The following MACROD2 variants were observed in gnomAD, a reference collection of about 807,000 sequenced individuals.
MACROD2 encodes the protein ADP-ribose glycohydrolase MACROD2.
Under a neutral mutation model 70.4 loss-of-function variants are expected in MACROD2, and 36 were observed. That is an observed-to-expected ratio of 0.51 (90% CI 0.39 to 0.68). The LOEUF (loss-of-function observed/expected upper bound fraction) is 0.68, where lower values mean the gene tolerates loss of function less well. MACROD2 is among the 30% of genes least tolerant of loss of function. The pLI is 0.00. For missense variants in MACROD2, 496 were observed against 538.4 expected, an observed-to-expected ratio of 0.92 and a Z score of 0.78; for synonymous variants, 172 against 178.8, an observed-to-expected ratio of 0.96 and a Z score of 0.30.
intron 7 of MACROD2, among the ~76,000 whole-genome samples, chr20:15,469,424 G>A (rs758113470): frequency 7.9e-5 from 12 of 152,320 alleles, no homozygotes; most frequent in Non-Finnish European, 1.6e-4. Flanking sequence ...ATGTTGGGGA[G>A]TTGTGAAATA....
chr20:14,975,975 T>C (rs954393512), intron 5 of MACROD2, among the ~76,000 whole-genome samples: 2 of 152,124 alleles, frequency 1.3e-5, no homozygotes, highest in Non-Finnish European at 2.9e-5. Context: ...CTCAGGAAGG[T>C]AGGCGTTAAC....
At chr20:15,652,775 G>T (rs2049665375) in intron 8 of MACROD2, among the ~76,000 whole-genome samples, 1 of 150,430 alleles carries the variant, frequency 6.6e-6, no homozygotes, top group Non-Finnish European at 1.5e-5. Context: ...CTCCCTTTCT[G>T]CCCTAGTTTT....
intron 6 of MACROD2, among the ~76,000 whole-genome samples, chr20:15,336,579 G>A (rs2078051217): frequency 6.6e-6 from 1 of 151,362 alleles, no homozygotes; most frequent in South Asian, 2.1e-4. Flanking sequence ...TTTTCAATGT[G>A]TTTATGTATT....
chr20:15,248,579 C>T (rs555853864), intron 6 of MACROD2, among the ~76,000 whole-genome samples: 2 of 152,144 alleles, frequency 1.3e-5, no homozygotes, highest in African/African-American at 2.4e-5. Context: ...AATCATGGCT[C>T]GGCTAAGACC....
intron 10 of MACROD2, among the ~76,000 whole-genome samples, chr20:15,894,324 A>T (rs964492806): frequency 1.3e-5 from 2 of 152,186 alleles, no homozygotes; most frequent in East Asian, 1.9e-4. Flanking sequence ...TACTAACATG[A>T]TGAGGCCAGA....
At chr20:14,942,694 T>C (rs2074400295) in intron 5 of MACROD2, among the ~76,000 whole-genome samples, 1 of 152,222 alleles carries the variant, frequency 6.6e-6, no homozygotes, top group Non-Finnish European at 1.5e-5. Flanking sequence ...CTGAACATGA[T>C]TTTTAAAAGG....
At chr20:15,808,034 G>GTGTGTGCAT (rs2063785063) in intron 8 of MACROD2, among the ~76,000 whole-genome samples, 1 of 152,080 alleles carries the variant, frequency 6.6e-6, no homozygotes, top group Admixed American at 6.5e-5. Context: ...CTAATTACCG[G>GTGTGTGCAT]TGTGTGCATC....
chr20:14,670,801 C>G (rs2070786280), intron 4 of MACROD2, among the ~76,000 whole-genome samples: 1 of 152,138 alleles, frequency 6.6e-6, no homozygotes, highest in Non-Finnish European at 1.5e-5. Flanking sequence ...TGAGACACCT[C>G]CCAACTGTTC....
At chr20:14,816,900 A>G (rs1206777055) in intron 5 of MACROD2, among the ~76,000 whole-genome samples, 1 of 152,118 alleles carries the variant, frequency 6.6e-6, no homozygotes, top group Non-Finnish European at 1.5e-5. Context: ...CAAAATGTAA[A>G]GTGAAAGATA....
chr20:14,179,714 T>C (rs549017129), intron 3 of MACROD2, among the ~76,000 whole-genome samples: 9 of 152,146 alleles, frequency 5.9e-5, no homozygotes, highest in Non-Finnish European at 1.0e-4. Flanking sequence ...TTACCAAAGA[T>C]ATGATATTTG....
intron 5 of MACROD2, among the ~76,000 whole-genome samples, chr20:14,820,589 C>G (rs995131270): frequency 6.6e-6 from 1 of 151,952 alleles, no homozygotes; most frequent in South Asian, 2.1e-4. Context: ...AACTTAGCTT[C>G]TCATCTAAGT....
chr20:15,459,462 C>T (rs116502018), intron 7 of MACROD2, among the ~76,000 whole-genome samples: 77 of 152,262 alleles, frequency 5.1e-4, no homozygotes, highest in African/African-American at 1.7e-3. Flanking sequence ...TTTTTCCCCC[C>T]ACTATCCTTG....
intron 8 of MACROD2, among the ~76,000 whole-genome samples, chr20:15,530,286 C>G (rs941936536): frequency 1.2e-4 from 18 of 152,058 alleles, no homozygotes; most frequent in African/African-American, 4.3e-4. Context: ...TTAAGTGATC[C>G]CTTTGCAAAT....
intron 8 of MACROD2, among the ~76,000 whole-genome samples, chr20:15,833,233 C>T (rs1398308203): frequency 6.6e-6 from 1 of 152,200 alleles, no homozygotes; most frequent in Non-Finnish European, 1.5e-5. Flanking sequence ...ATAGAACCCT[C>T]AAATGAGAAT....
intron 10 of MACROD2, among the ~76,000 whole-genome samples, chr20:15,924,366 C>T (rs903915003): frequency 6.6e-6 from 1 of 152,216 alleles, no homozygotes; most frequent in African/African-American, 2.4e-5. Flanking sequence ...GACACTTGCA[C>T]TCACACATCT....
intron 5 of MACROD2, among the ~76,000 whole-genome samples, chr20:14,780,562 CAAAAA>C (rs763622429): frequency 8.0e-6 from 1 of 124,300 alleles, no homozygotes. Context: ...AACTCCGTCT[CAAAAA>C]AAAAAAAAAA....
At chr20:15,624,127 A>AT (rs1203481828) in intron 8 of MACROD2, among the ~76,000 whole-genome samples, 2 of 152,196 alleles carry the variant, frequency 1.3e-5, no homozygotes, top group Non-Finnish European at 2.9e-5. Flanking sequence ...AACCACTGGT[A>AT]TAAGTCCAAG....
chr20:15,461,476 A>G (rs1322909346), intron 7 of MACROD2, among the ~76,000 whole-genome samples: 1 of 152,132 alleles, frequency 6.6e-6, no homozygotes, highest in East Asian at 1.9e-4. Context: ...ACTGGTCTGT[A>G]TCATTAATAA....
chr20:15,498,942 A>C (rs1283487323), intron 7 of MACROD2, among the ~76,000 whole-genome samples: 2 of 152,196 alleles, frequency 1.3e-5, no homozygotes, highest in African/African-American at 4.8e-5. Flanking sequence ...TGGTGAGCTC[A>C]AAGAGCGTAG....
Sources: gnomAD v4.1 joint callset for allele counts (sites outside exome capture counted in the v4.1 genomes callset) on GRCh38, gnomAD v4.1.1 for gene constraint, MANE v1.5 for transcripts, NCBI Gene and HGNC (gene_info 2026-07-23, HGNC 2026-07-21) for gene names.